EPB41L4B: variants seen among roughly 807,000 people sequenced by gnomAD.
EPB41L4B encodes erythrocyte membrane protein band 4.1 like 4B.
EPB41L4B carries 30 observed loss-of-function variants against 112.5 expected under a neutral mutation model. The ratio of observed to expected loss-of-function variants is 0.27; its 90% CI spans 0.20 to 0.36. The LOEUF (loss-of-function observed/expected upper bound fraction) is 0.36, where lower values mean the gene tolerates loss of function less well. Ranked by LOEUF, EPB41L4B falls within the 10% of genes least tolerant of loss-of-function variation. EPB41L4B has a pLI of 1.00. For synonymous variants in EPB41L4B, 408 were observed against 439.7 expected (o/e 0.93, Z 0.90); for missense variants, 1,024 against 1,133.3 (o/e 0.90, Z 1.38).
rs564552613 is a variant in EPB41L4B at position 109,289,733 on chromosome 9, T to C, written c.307-9812A>G. 2.0e-5 allele frequency among the ~76,000 whole-genome samples: 3 copies of C among 152,346 alleles called. No homozygotes were observed. The South Asian group carries it at 6.2e-4, about 32-fold the overall frequency. On this transcript the variant is annotated intron_variant, in intron 1 of 25. Transcript: ENST00000374566. ...CATATCCCACTATGGCCTATCCTTGTGGCTAACAAAATGCTATGCCTTTTA... is the reference window on the plus strand; with the variant it reads ...CATATCCCACTATGGCCTATCCTTGCGGCTAACAAAATGCTATGCCTTTTA...
At chr9:109,231,531 CCTAA>C (rs1452421014) in intron 15 of EPB41L4B, among the ~76,000 whole-genome samples, 1 of 152,200 alleles carries the variant, frequency 6.6e-6, no homozygotes, top group Non-Finnish European at 1.5e-5. Flanking sequence ...CCTACTTGTT[CCTAA>C]CTACATTATG....
At position 109,320,684 on chromosome 9, in the gene EPB41L4B, G is replaced by A. The variant is rs866555041; in HGVS notation, c.-238C>T. 0.039 allele frequency: 5,606 copies of A among 144,602 alleles called. 371 individuals are homozygous for A. Among genetic ancestry groups the A allele is most frequent in the African/African-American group, 0.13 (5,247 of 40,324 alleles). The allele number at this position is 144,602 out of a possible 1,614,324, so 9.0% of individuals were successfully genotyped here. On this transcript the variant is annotated 5_prime_UTR_variant, in exon 1 of 26. Coordinates refer to ENST00000374566, the MANE Select transcript of EPB41L4B (RefSeq NM_019114.5). Reference sequence around the variant, plus strand: ...TGCGAGTGGCCGCAGGCGGGAGGGCGCGCTCGGGGCCGTCCCGCCGCCGCC... The same window carrying A: ...TGCGAGTGGCCGCAGGCGGGAGGGCACGCTCGGGGCCGTCCCGCCGCCGCC...
intron 1 of EPB41L4B, among the ~76,000 whole-genome samples, chr9:109,310,579 G>A (rs577749292): frequency 1.3e-5 from 2 of 152,324 alleles, no homozygotes; most frequent in East Asian, 3.9e-4. Context: ...AAAAATGTAA[G>A]GGGGAGAAAA....
intron 15 of EPB41L4B, among the ~76,000 whole-genome samples, chr9:109,222,356 G>A (rs1313502692): frequency 3.9e-5 from 6 of 152,184 alleles, no homozygotes; most frequent in South Asian, 2.1e-4. Context: ...CAGCTCACAC[G>A]CCTGGGGGAT....
intron 4 of EPB41L4B, among the ~76,000 whole-genome samples, chr9:109,265,385 G>A (rs1210101203): frequency 6.6e-6 from 1 of 152,240 alleles, no homozygotes; most frequent in East Asian, 1.9e-4. Context: ...GTGGGGCCGC[G>A]GGGTCTGGCT....
At chr9:109,315,709 C>T (rs1054455969) in intron 1 of EPB41L4B, among the ~76,000 whole-genome samples, 2 of 152,220 alleles carry the variant, frequency 1.3e-5, no homozygotes, top group South Asian at 4.2e-4. Context: ...CCCTTCAACT[C>T]CAAAATAAGC....
At chr9:109,233,133 C>T (rs1834010368) in intron 15 of EPB41L4B, among the ~76,000 whole-genome samples, 1 of 152,162 alleles carries the variant, frequency 6.6e-6, no homozygotes, top group Non-Finnish European at 1.5e-5. Context: ...CATGAGCCTA[C>T]AGGGATGTTC....
intron 2 of EPB41L4B, among the ~76,000 whole-genome samples, chr9:109,278,277 G>A (rs1231133221): frequency 3.3e-5 from 5 of 152,142 alleles, no homozygotes; most frequent in Non-Finnish European, 5.9e-5. Flanking sequence ...CAGTTTGGGG[G>A]TGGGGTGGGG....
At chr9:109,307,018 T>TC (rs1564334976) in intron 1 of EPB41L4B, among the ~76,000 whole-genome samples, 1 of 146,964 alleles carries the variant, frequency 6.8e-6, no homozygotes, top group Non-Finnish European at 1.5e-5. Flanking sequence ...TGCAGTTGTT[T>TC]TTTTTTTTTT....
intron 14 of EPB41L4B, among the ~76,000 whole-genome samples, chr9:109,247,303 T>C (rs1834596470): frequency 6.6e-6 from 1 of 152,098 alleles, no homozygotes. Flanking sequence ...TATACCTCAG[T>C]GGACACTGTA....
chr9:109,267,197 C>T (rs537160823), intron 4 of EPB41L4B, among the ~76,000 whole-genome samples: 5 of 152,252 alleles, frequency 3.3e-5, no homozygotes, highest in Admixed American at 6.5e-5. Context: ...AAAAATAAAA[C>T]GCCGCAGAGC....
Position 109,299,257 on chromosome 9 carries a change from C to G in EPB41L4B, c.307-19336G>C, listed in dbSNP as rs145060886. On this transcript the variant is annotated intron_variant, in intron 1 of 25. Transcript: ENST00000374566. ...GTAGAATGGGAAGATTTTTAAGAAC[C>G]TTGTATGGCTCTCTAGATTTTTTTG... Among the ~76,000 whole-genome samples, 660 of 152,198 alleles carry G rather than the reference C, an allele frequency of 4.3e-3. 7 individuals are homozygous for G. Among genetic ancestry groups the G allele is most frequent in the African/African-American group, 0.015 (621 of 41,514 alleles).
chr9:109,235,037 C>G (rs1010934080), intron 15 of EPB41L4B, among the ~76,000 whole-genome samples: 1 of 152,232 alleles, frequency 6.6e-6, no homozygotes, highest in African/African-American at 2.4e-5. Flanking sequence ...CTCCAAGCCT[C>G]TGAGTCCCAA....
intron 18 of EPB41L4B, among the ~76,000 whole-genome samples, chr9:109,206,155 TTTC>T (rs1488917315): frequency 6.6e-6 from 1 of 152,220 alleles, no homozygotes; most frequent in African/African-American, 2.4e-5. Context: ...TTAAAATTTA[TTTC>T]TTATTTTTTA....
At chr9:109,238,845 A>G (rs570711153) in intron 15 of EPB41L4B, among the ~76,000 whole-genome samples, 1 of 152,348 alleles carries the variant, frequency 6.6e-6, no homozygotes, top group East Asian at 1.9e-4. Context: ...AAAGGCACAG[A>G]TGTGAGTAAC....
At position 109,240,205 on chromosome 9, in the gene EPB41L4B, C is replaced by G. The variant is rs959027640; in HGVS notation, c.1409+3413G>C. 4.1e-6 allele frequency: 4 copies of G among 985,204 alleles called. No individual in the cohort carries two copies. In the African/African-American group the frequency reaches 7.0e-5, roughly 17 times the overall value. The allele number at this position is 985,204 out of a possible 1,614,324, so 61.0% of individuals were successfully genotyped here. A position where few individuals can be genotyped will look rare whatever the true frequency, so the allele number is the denominator to read the frequency against. Reference sequence around the variant, plus strand: ...CCTTGGAAACACATTTGTAAAAATGCTATCAATAAGATGAAAAGATTCAGA... The same window carrying G: ...CCTTGGAAACACATTTGTAAAAATGGTATCAATAAGATGAAAAGATTCAGA... On this transcript the variant is annotated intron_variant, in intron 15 of 25. Transcript: ENST00000374566.
At chr9:109,207,362 G>C (rs1833021327) in intron 18 of EPB41L4B, among the ~76,000 whole-genome samples, 1 of 152,076 alleles carries the variant, frequency 6.6e-6, no homozygotes. Context: ...TTGAGTCCAG[G>C]AGTTCGAGAC....
At chr9:109,183,761 C>T (rs577768961) in intron 23 of EPB41L4B, among the ~76,000 whole-genome samples, 9 of 152,332 alleles carry the variant, frequency 5.9e-5, no homozygotes, top group Non-Finnish European at 4.4e-5. Flanking sequence ...GCCACCACTG[C>T]CCAGGGGCAG....
chr9:109,222,686 A>G (rs1588147446), intron 15 of EPB41L4B, among the ~76,000 whole-genome samples: 2 of 152,164 alleles, frequency 1.3e-5, no homozygotes, highest in African/African-American at 2.4e-5. Flanking sequence ...GTGACAGAGG[A>G]CAGATGTAGG....
Sources: allele counts gnomAD v4.1 joint callset (sites outside exome capture counted in the v4.1 genomes callset), GRCh38; gene constraint gnomAD v4.1.1; transcripts MANE v1.5; gene names NCBI Gene and HGNC (gene_info 2026-07-23, HGNC 2026-07-21).